The following TMEM72 variants were observed in gnomAD, a reference collection of about 807,000 sequenced individuals.
TMEM72 encodes kidney-specific secretory protein of 37 kDa.
A neutral mutation model predicts 16.3 loss-of-function variants in TMEM72; 9 were observed. The observed-to-expected ratio is 0.55, with a 90% CI of 0.33 to 0.96. The LOEUF (loss-of-function observed/expected upper bound fraction) is 0.96, where lower values mean the gene tolerates loss of function less well. Among genes scored for constraint, TMEM72 ranks in the 40% least tolerant of loss-of-function variants. The pLI, the probability that TMEM72 is intolerant of heterozygous loss-of-function variation, is 0.03. For missense variants in TMEM72, 324 were observed against 337.8 expected (o/e 0.96, Z 0.32); for synonymous variants, 160 against 146.5 (o/e 1.09, Z -0.66).
At chr10:44,932,582 A>G (rs1840317613) in intron 3 of TMEM72, among the ~76,000 whole-genome samples, 1 of 152,164 alleles carries the variant, frequency 6.6e-6, no homozygotes, top group Non-Finnish European at 1.5e-5. Flanking sequence ...TACACTCAGT[A>G]TGTGGAAGCT....
At position 44,936,927 on chromosome 10, in the gene TMEM72, G is replaced by A. The variant is rs1241396300; in HGVS notation, c.*1793G>A. Reference sequence around the variant, plus strand: ...CTCGAAGCCCCAGTCAGCAGAGCTGGATGACCAGATCGCAAGAAGCAAACC... The same window carrying A: ...CTCGAAGCCCCAGTCAGCAGAGCTGAATGACCAGATCGCAAGAAGCAAACC... On this transcript the variant is annotated 3_prime_UTR_variant, in exon 5 of 5. Transcript: ENST00000389583. The A allele has an allele frequency of 3.9e-5, 6 of 152,294 alleles. No homozygotes were observed. The highest frequency in any genetic ancestry group is 1.4e-4 in the African/African-American group (6 of 41,474). 9.4% of individuals were successfully genotyped at this position (152,294 alleles called of 1,614,324 possible). A position where few individuals can be genotyped will look rare whatever the true frequency, so the allele number is the denominator to read the frequency against.
chr10:44,925,249 G>A (rs1840166942), intron 1 of TMEM72, among the ~76,000 whole-genome samples: 1 of 152,102 alleles, frequency 6.6e-6, no homozygotes, highest in Non-Finnish European at 1.5e-5. Context: ...CCCTCTGACC[G>A]CTGACCCTCT....
At chr10:44,912,038 G>C (rs1327718549) in intron 1 of TMEM72, among the ~76,000 whole-genome samples, 1 of 152,224 alleles carries the variant, frequency 6.6e-6, no homozygotes, top group East Asian at 1.9e-4. Flanking sequence ...GTCATGAGCA[G>C]CTCTGCCCTG....
intron 1 of TMEM72, among the ~76,000 whole-genome samples, chr10:44,917,738 G>A (rs1038658425): frequency 2.0e-5 from 3 of 152,102 alleles, no homozygotes; most frequent in African/African-American, 7.2e-5. Context: ...GAAGCCTGAT[G>A]TGTGTGGAAT....
intron 1 of TMEM72, among the ~76,000 whole-genome samples, chr10:44,920,872 G>T (rs549735098): frequency 8.1e-4 from 123 of 152,278 alleles, no homozygotes; most frequent in African/African-American, 2.8e-3. Flanking sequence ...TCTGATGCAG[G>T]CCCCATATTC....
chr10:44,924,727 G>A (rs1589043606), intron 1 of TMEM72, among the ~76,000 whole-genome samples: 1 of 152,242 alleles, frequency 6.6e-6, no homozygotes, highest in East Asian at 1.9e-4. Flanking sequence ...GATATCAAAG[G>A]GCTTTACAGC....
chr10:44,930,595 A>G (rs1840280634), intron 2 of TMEM72, among the ~76,000 whole-genome samples: 1 of 152,198 alleles, frequency 6.6e-6, no homozygotes, highest in South Asian at 2.1e-4. Flanking sequence ...GCCCATAGCA[A>G]TCATTACATA....
intron 2 of TMEM72, among the ~76,000 whole-genome samples, chr10:44,928,349 T>A (rs530090251): frequency 8.6e-5 from 13 of 151,736 alleles, no homozygotes; most frequent in African/African-American, 2.9e-4. Flanking sequence ...CACACATCCA[T>A]CCAGCTACCT....
At chr10:44,914,992 C>T (rs1158329288) in intron 1 of TMEM72, among the ~76,000 whole-genome samples, 1 of 152,180 alleles carries the variant, frequency 6.6e-6, no homozygotes, top group Non-Finnish European at 1.5e-5. Flanking sequence ...ACAGAGGAGG[C>T]ACCTCTCAGG....
intron 1 of TMEM72, among the ~76,000 whole-genome samples, chr10:44,927,356 G>C (rs1163414287): frequency 6.6e-6 from 1 of 152,182 alleles, no homozygotes; most frequent in Non-Finnish European, 1.5e-5. Context: ...TGCCAAGAAA[G>C]GGGAGGAGGA....
chr10:44,911,693 G>A (rs941039396), intron 1 of TMEM72, 111 bp downstream of exon 1: 1 of 1,282,656 alleles, frequency 7.8e-7, no homozygotes, highest in African/African-American at 1.5e-5. Flanking sequence ...CCACTTCTGT[G>A]CTTCAATTTT....
intron 1 of TMEM72, among the ~76,000 whole-genome samples, chr10:44,918,691 C>G (rs771456199): frequency 6.6e-6 from 1 of 152,070 alleles, no homozygotes; most frequent in African/African-American, 2.4e-5. Flanking sequence ...TGTAACTTAC[C>G]ATGTGTTATG....
In TMEM72 at chr10:44,936,089, G is replaced by C. The variant is rs979985620; in HGVS notation, c.*955G>C. ...TAGGAGGAAGTGGGCAGGCAGGCAA[G>C]TTCTCTGCCATGGGGCCACGGAAGT... On this transcript the variant is annotated 3_prime_UTR_variant, in exon 5 of 5. Transcript: ENST00000389583. 5 of 152,294 alleles carry C rather than the reference G, an allele frequency of 3.3e-5. No individual in the cohort carries two copies. The highest frequency in any genetic ancestry group is 7.3e-5 in the Non-Finnish European group (5 of 68,064). The allele number at this position is 152,294 out of a possible 1,614,324, so 9.4% of individuals were successfully genotyped here. A position where few individuals can be genotyped will look rare whatever the true frequency, so the allele number is the denominator to read the frequency against.
In TMEM72 at chr10:44,935,032, G is replaced by A; in HGVS notation, c.726G>A (p.Gly242=). ...CCCTCGCCGAAGGTCTGGATGATGG[G>A]GACAGTGAGCCAGAGGAGACCACCT... ...VPSLAEGLDD[G]DSEPEETTSD... Residue 242 remains glycine (G), a synonymous_variant, in exon 5 of 5, where the codon GGG becomes GGA. Coordinates refer to ENST00000389583, the MANE Select transcript of TMEM72 (RefSeq NM_001123376.3). 1 of 1,613,900 alleles carries A rather than the reference G, an allele frequency of 6.2e-7. No individual in the cohort carries two copies. Among genetic ancestry groups the A allele is most frequent in the African/African-American group, 1.3e-5 (1 of 75,016 alleles).
chr10:44,930,869 T>A (rs1840284745), intron 2 of TMEM72, among the ~76,000 whole-genome samples: 1 of 152,174 alleles, frequency 6.6e-6, no homozygotes, highest in South Asian at 2.1e-4. Flanking sequence ...CAGAGAAAGG[T>A]CACACCTCTC....
At chr10:44,929,130 G>A (rs1840249747) in intron 2 of TMEM72, among the ~76,000 whole-genome samples, 2 of 152,172 alleles carry the variant, frequency 1.3e-5, no homozygotes, top group African/African-American at 4.8e-5. Context: ...GCAGGATCCA[G>A]ATTCAAACCC....
intron 1 of TMEM72, among the ~76,000 whole-genome samples, chr10:44,921,300 G>A (rs1233037646): frequency 6.6e-6 from 1 of 152,168 alleles, no homozygotes; most frequent in South Asian, 2.1e-4. Context: ...TGTTGGGCTG[G>A]GGTGAGAGTA....
chr10:44,925,189 C>A (rs535761905), intron 1 of TMEM72, among the ~76,000 whole-genome samples: 1 of 152,184 alleles, frequency 6.6e-6, no homozygotes, highest in Non-Finnish European at 1.5e-5. Context: ...TTCTCTGTTG[C>A]CATTTTTTTT....
chr10:44,925,075 T>C (rs1388462331), intron 1 of TMEM72, among the ~76,000 whole-genome samples: 1 of 152,194 alleles, frequency 6.6e-6, no homozygotes, highest in African/African-American at 2.4e-5. Flanking sequence ...AGTTGTAACT[T>C]ATTCTGCCCC....
Sources: allele counts gnomAD v4.1 joint callset (sites outside exome capture counted in the v4.1 genomes callset), GRCh38; gene constraint gnomAD v4.1.1; transcripts MANE v1.5; gene names NCBI Gene and HGNC (gene_info 2026-07-23, HGNC 2026-07-21).